NAV3: variants seen among roughly 807,000 people sequenced by gnomAD.
The protein encoded by NAV3 is pore membrane and/or filament interacting like protein 1.
In NAV3, 87 loss-of-function variants were observed where a neutral mutation model predicts 244.7. The observed-to-expected ratio is 0.36, with a 90% CI of 0.30 to 0.42. NAV3 has a LOEUF of 0.42. NAV3 is among the 20% of genes least tolerant of loss of function. The probability of loss-of-function intolerance (pLI) is 1.00; values close to 1 mark genes in which losing one functional copy is unlikely to be tolerated. For missense variants in NAV3, 2,663 were observed against 2,893.3 expected (o/e 0.92, Z 1.83); for synonymous variants, 1,126 against 1,042.2 (o/e 1.08, Z -1.55).
intron 5 of NAV3, among the ~76,000 whole-genome samples, chr12:77,970,087 T>C (rs1176674364): frequency 2.0e-5 from 3 of 152,206 alleles, no homozygotes; most frequent in Non-Finnish European, 4.4e-5. Context: ...ACTATATTTG[T>C]TCCTGAACAA....
chr12:78,019,250 T>C (rs1876749621), intron 8 of NAV3, among the ~76,000 whole-genome samples: 1 of 152,142 alleles, frequency 6.6e-6, no homozygotes, highest in Non-Finnish European at 1.5e-5. Context: ...AAACCCAGTA[T>C]ATTTACACAT....
At chr12:78,114,554 A>G (rs1566151653) in intron 12 of NAV3, among the ~76,000 whole-genome samples, 1 of 152,164 alleles carries the variant, frequency 6.6e-6, no homozygotes, top group Admixed American at 6.5e-5. Flanking sequence ...AAACCCTTAT[A>G]AAGTCATCAG....
intron 2 of NAV3, among the ~76,000 whole-genome samples, chr12:77,719,615 C>T (rs1447830936): frequency 3.3e-5 from 5 of 152,008 alleles, no homozygotes; most frequent in African/African-American, 7.2e-5. Flanking sequence ...TACATATGTT[C>T]AACCCACCTT....
intron 3 of NAV3, among the ~76,000 whole-genome samples, chr12:77,952,465 T>G (rs1200656247): frequency 6.6e-6 from 1 of 152,148 alleles, no homozygotes; most frequent in African/African-American, 2.4e-5. Flanking sequence ...TTTCCCATTT[T>G]TTCACCAACC....
chr12:78,094,379 G>A (rs1369593805), intron 12 of NAV3, among the ~76,000 whole-genome samples: 1 of 152,140 alleles, frequency 6.6e-6, no homozygotes, highest in Non-Finnish European at 1.5e-5. Flanking sequence ...ACAGTGGACT[G>A]TTTATTTTTA....
intron 12 of NAV3, among the ~76,000 whole-genome samples, chr12:78,106,139 GC>G (rs1424431165): frequency 6.6e-6 from 1 of 151,630 alleles, no homozygotes; most frequent in African/African-American, 2.4e-5. Context: ...AAGTATAATT[GC>G]CTTTTTTTAT....
At chr12:78,106,347 G>A (rs1378338027) in intron 12 of NAV3, among the ~76,000 whole-genome samples, 1 of 151,930 alleles carries the variant, frequency 6.6e-6, no homozygotes, top group Admixed American at 6.5e-5. Context: ...GAACAATAAA[G>A]TATTTAGGAA....
intron 12 of NAV3, among the ~76,000 whole-genome samples, chr12:78,097,926 A>G (rs1054748930): frequency 6.6e-6 from 1 of 152,114 alleles, no homozygotes; most frequent in African/African-American, 2.4e-5. Flanking sequence ...ATTTCAAGGG[A>G]GAAAGAAGGT....
intron 1 of NAV3, among the ~76,000 whole-genome samples, chr12:77,844,892 T>C (rs1876349458): frequency 6.6e-6 from 1 of 152,204 alleles, no homozygotes; most frequent in Non-Finnish European, 1.5e-5. Context: ...ATGTTTTTAC[T>C]CAATTTTCTC....
intron 39 of NAV3, among the ~76,000 whole-genome samples, chr12:78,208,955 AG>A (rs1023170202): frequency 2.0e-5 from 3 of 152,042 alleles, no homozygotes; most frequent in Non-Finnish European, 4.4e-5. Flanking sequence ...GTAGGAAGGT[AG>A]GGGTGTGGGT....
In NAV3 at chr12:77,787,384, G is replaced by A. The variant is rs185680871; in HGVS notation, c.73-152935G>A. On this transcript the variant is annotated intron_variant, in intron 2 of 8. Transcript: ENST00000550042. ...TCATGCCGCTAATAAAGACATATCC[G>A]AAACTGGGTAATTTATAAAGGAAAG... is the stretch of plus-strand genomic sequence containing the variant. 2.4e-3 allele frequency among the ~76,000 whole-genome samples: 364 copies of A among 152,196 alleles called. 1 individual carries two copies. The highest frequency in any genetic ancestry group is 4.2e-3 in the Non-Finnish European group (286 of 67,996).
intron 12 of NAV3, among the ~76,000 whole-genome samples, chr12:78,076,599 A>G (rs541313143): frequency 6.6e-6 from 1 of 152,288 alleles, no homozygotes; most frequent in Admixed American, 6.5e-5. Context: ...TATTCTTCAC[A>G]TCTAGCACTG....
intron 9 of NAV3, among the ~76,000 whole-genome samples, chr12:78,043,371 G>T (rs1394494576): frequency 6.6e-6 from 1 of 152,102 alleles, no homozygotes; most frequent in East Asian, 1.9e-4. Flanking sequence ...TTGCTATTGT[G>T]AACAGTGCTG....
chr12:77,747,840 A>C (rs1006909321), intron 2 of NAV3, among the ~76,000 whole-genome samples: 2 of 152,018 alleles, frequency 1.3e-5, no homozygotes, highest in African/African-American at 2.4e-5. Flanking sequence ...CAATGAGAAC[A>C]CATGGACACA....
intron 11 of NAV3, among the ~76,000 whole-genome samples, chr12:78,055,023 T>A (rs1016567374): frequency 6.6e-6 from 1 of 152,116 alleles, no homozygotes; most frequent in Non-Finnish European, 1.5e-5. Context: ...ATAAACTGAA[T>A]TATGTATATA....
At chr12:77,615,890 T>C (rs1871127018) in intron 2 of NAV3, among the ~76,000 whole-genome samples, 1 of 152,194 alleles carries the variant, frequency 6.6e-6, no homozygotes, top group Non-Finnish European at 1.5e-5. Context: ...TCTTCCCTTG[T>C]TTAAATGAGT....
At chr12:77,774,047 TTG>T (rs1263749745) in intron 2 of NAV3, among the ~76,000 whole-genome samples, 2 of 152,132 alleles carry the variant, frequency 1.3e-5, no homozygotes, top group East Asian at 1.9e-4. Context: ...CTAAGAATGA[TTG>T]TGTTTATATT....
At chr12:78,145,526 AT>A (rs1219643852) in intron 20 of NAV3, among the ~76,000 whole-genome samples, 1 of 152,228 alleles carries the variant, frequency 6.6e-6, no homozygotes, top group Non-Finnish European at 1.5e-5. Flanking sequence ...ATTCAACAAC[AT>A]TATGCATTCT....
intron 8 of NAV3, among the ~76,000 whole-genome samples, chr12:78,016,023 C>T (rs1876140687): frequency 6.6e-6 from 1 of 152,128 alleles, no homozygotes; most frequent in African/African-American, 2.4e-5. Context: ...CCCCTTCAAA[C>T]TGGCTGTGTC....
Sources: gnomAD v4.1 joint callset for allele counts (sites outside exome capture counted in the v4.1 genomes callset) on GRCh38, gnomAD v4.1.1 for gene constraint, MANE v1.5 for transcripts, NCBI Gene and HGNC (gene_info 2026-07-23, HGNC 2026-07-21) for gene names.